DZIP1L: variants seen among roughly 807,000 people sequenced by gnomAD.
The protein encoded by DZIP1L is cilium assembly protein DZIP1L.
A neutral mutation model predicts 88.7 loss-of-function variants in DZIP1L; 90 were observed. The ratio of observed to expected loss-of-function variants is 1.02; its 90% CI spans 0.86 to 1.21. The LOEUF is 1.21. Ranked by LOEUF, DZIP1L falls within the 50% of genes most tolerant of loss-of-function variation. The pLI is 0.00. For synonymous variants in DZIP1L, 363 were observed against 372.1 expected, an observed-to-expected ratio of 0.98 and a Z score of 0.28; for missense variants, 932 against 955.8, an observed-to-expected ratio of 0.98 and a Z score of 0.33.
chr3:138,071,534 T>C, intron 12 of DZIP1L, 109 bp downstream of exon 12: 2 of 1,258,502 alleles, frequency 1.6e-6, no homozygotes, highest in Non-Finnish European at 2.1e-6. Context: ...TTCAGAGAAG[T>C]GCCCCTAATG....
chr3:138,103,837 G>A lies in DZIP1L; in HGVS notation c.135C>T (p.Arg45=), dbSNP rs141620783. Residue 45 remains arginine, a synonymous_variant, in exon 2 of 16, where the codon CGC becomes CGT. Transcript: ENST00000327532. ...TGGCCACATCCAGTTCCCGGGCCAC[G>A]CGGTCTACATCCAGGGTGCTAATGC... ...WRRISTLDVD[R]VARELDVATL... 5.0e-5 allele frequency: 81 copies of A among 1,614,170 alleles called. 1 individual carries two copies. The African/African-American group carries it at 8.1e-4, about 16-fold the overall frequency.
At chr3:138,072,660 G>C (rs1215477166) in intron 11 of DZIP1L, among the ~76,000 whole-genome samples, 2 of 152,192 alleles carry the variant, frequency 1.3e-5, no homozygotes, top group Non-Finnish European at 2.9e-5. Flanking sequence ...TAGTTGGAGA[G>C]AGAATCCATA....
At chr3:138,081,658 G>T (rs370386002) in intron 9 of DZIP1L, 76 bp downstream of exon 9, 43 of 1,466,164 alleles carry the variant, frequency 2.9e-5, no homozygotes, top group African/African-American at 8.5e-5. Flanking sequence ...AATTGACTGG[G>T]GGAGAGGGAA....
intron 1 of DZIP1L, among the ~76,000 whole-genome samples, chr3:138,107,749 C>A (rs1007331864): frequency 7.9e-5 from 12 of 152,172 alleles, no homozygotes; most frequent in Non-Finnish European, 1.2e-4. Context: ...GTGGGCCCAG[C>A]CCAAGCTCAG....
At chr3:138,075,480 T>C (rs1021677886) in intron 11 of DZIP1L, among the ~76,000 whole-genome samples, 4 of 152,156 alleles carry the variant, frequency 2.6e-5, no homozygotes, top group Admixed American at 6.5e-5. Context: ...TGGAATAAAA[T>C]TGGAAATCAA....
At chr3:138,074,260 G>T (rs531599404) in intron 11 of DZIP1L, among the ~76,000 whole-genome samples, 2 of 152,104 alleles carry the variant, frequency 1.3e-5, no homozygotes, top group African/African-American at 2.4e-5. Context: ...ATAGTCAACC[G>T]GTTATCTAAA....
intron 1 of DZIP1L, among the ~76,000 whole-genome samples, chr3:138,110,579 TTGTC>T (rs941839609): frequency 3.3e-5 from 5 of 152,054 alleles, no homozygotes; most frequent in Non-Finnish European, 7.4e-5. Flanking sequence ...AGCATACACT[TTGTC>T]TGTTAGGGTG....
chr3:138,087,142 A>G, intron 6 of DZIP1L, 119 bp from the exon 7 acceptor site: 2 of 801,610 alleles, frequency 2.5e-6, no homozygotes, highest in South Asian at 1.8e-5. Context: ...GGAATAGAAT[A>G]GAAAATCCAG....
intron 11 of DZIP1L, among the ~76,000 whole-genome samples, chr3:138,072,997 AAC>A (rs1943250800): frequency 6.6e-6 from 1 of 152,132 alleles, no homozygotes; most frequent in African/African-American, 2.4e-5. Context: ...CCTCATCCCC[AAC>A]AGTAGCTGCA....
chr3:138,107,929 C>T (rs2042542259), intron 1 of DZIP1L, among the ~76,000 whole-genome samples: 1 of 152,156 alleles, frequency 6.6e-6, no homozygotes, highest in African/African-American at 2.4e-5. Flanking sequence ...TTCCCTTTCT[C>T]AGATACTCTT....
intron 1 of DZIP1L, among the ~76,000 whole-genome samples, chr3:138,111,215 TTC>T (rs1935381211): frequency 6.6e-6 from 1 of 152,170 alleles, no homozygotes; most frequent in Admixed American, 6.5e-5. Flanking sequence ...GACTTAAAAA[TTC>T]TGTTATTCTT....
In DZIP1L at chr3:138,103,534, A is replaced by G. The variant is rs2042387468; in HGVS notation, c.438T>C (p.Arg146=). Residue 146 remains arginine, a synonymous_variant, in exon 2 of 16, where the codon CGT becomes CGC. Coordinates refer to ENST00000327532, the MANE Select transcript of DZIP1L (RefSeq NM_173543.3). The stretch of plus-strand genomic sequence containing the variant: ...GCTGCAGGGTGCTGATCATCTTGCG[A>G]CGCCGGCGGCTCTCCTCCCGCACAC... ...LKGVREESRR[R]RKMISTLQQL... is the part of the protein sequence containing the mutation. 2.5e-6 allele frequency: 4 copies of G among 1,611,004 alleles called. No individual in the cohort carries two copies. Among genetic ancestry groups the G allele is most frequent in the African/African-American group, 1.3e-5 (1 of 75,020 alleles).
chr3:138,088,695 G>A, intron 5 of DZIP1L, 188 bp from the exon 6 acceptor site: 2 of 1,258,922 alleles, frequency 1.6e-6, no homozygotes, highest in Non-Finnish European at 2.0e-6. Context: ...TCTCCTGGGG[G>A]CTCAGCCCTT....
intron 2 of DZIP1L, chr3:138,101,969 C>G: frequency 6.5e-7 from 1 of 1,539,040 alleles, no homozygotes; most frequent in Non-Finnish European, 8.9e-7. Context: ...CAGCCTGGAG[C>G]CGGCTGATGT....
intron 11 of DZIP1L, among the ~76,000 whole-genome samples, chr3:138,074,718 C>T (rs1344033774): frequency 7.2e-6 from 1 of 138,970 alleles, no homozygotes; most frequent in Non-Finnish European, 1.6e-5. Context: ...AGGACCTATA[C>T]AACAATAATA....
At chr3:138,081,683 G>A (rs760074551) in intron 9 of DZIP1L, 51 bp downstream of exon 9, 3 of 1,569,924 alleles carry the variant, frequency 1.9e-6, no homozygotes, top group East Asian at 4.7e-5. Flanking sequence ...AGGGAGAAAA[G>A]CCAGAGACAA....
chr3:138,115,561 G>C lies in DZIP1L; in HGVS notation c.-315C>G, dbSNP rs930827367. ...GCCCACTCCAGTGCCGCCAACCTGCGGGACCGCGGACAGAGAGCTCCTCGG... is the reference window on the plus strand; with the variant it reads ...GCCCACTCCAGTGCCGCCAACCTGCCGGACCGCGGACAGAGAGCTCCTCGG... On this transcript the variant is annotated 5_prime_UTR_variant, in exon 1 of 16. Transcript: ENST00000327532. 2.6e-5 allele frequency: 4 copies of C among 152,126 alleles called. No individual in the cohort carries two copies. The highest frequency in any genetic ancestry group is 4.8e-5 in the African/African-American group (2 of 41,432). 9.4% of individuals were successfully genotyped at this position (152,126 alleles called of 1,614,324 possible).
chr3:138,070,942 T>C (rs952282130), intron 12 of DZIP1L, among the ~76,000 whole-genome samples: 1 of 152,160 alleles, frequency 6.6e-6, no homozygotes, highest in African/African-American at 2.4e-5. Context: ...ACAAATACAC[T>C]TGCTCCGTAA....
chr3:138,064,509 C>G, intron 15 of DZIP1L, 119 bp downstream of exon 15: 1 of 1,612,492 alleles, frequency 6.2e-7, no homozygotes, highest in Non-Finnish European at 8.5e-7. Flanking sequence ...CCACAATGTC[C>G]CACTAGGGCA....
Sources: gnomAD v4.1 joint callset for allele counts (sites outside exome capture counted in the v4.1 genomes callset) on GRCh38, gnomAD v4.1.1 for gene constraint, MANE v1.5 for transcripts, NCBI Gene and HGNC (gene_info 2026-07-23, HGNC 2026-07-21) for gene names.